Variants in MMS22L observed in about 807,000 individuals in gnomAD.
MMS22L encodes MMS22 like, DNA repair protein, also known as protein MMS22-like.
Under a neutral mutation model 159.1 loss-of-function variants are expected in MMS22L, and 74 were observed. The ratio of observed to expected loss-of-function variants is 0.47; its 90% CI spans 0.39 to 0.56. MMS22L has a LOEUF of 0.56. MMS22L is among the 20% of genes least tolerant of loss of function. The pLI is 0.00. For synonymous variants in MMS22L, 517 were observed against 506.9 expected (o/e 1.02, Z -0.27); for missense variants, 1,351 against 1,422.1 (o/e 0.95, Z 0.80).
chr6:97,173,120 G>A lies in MMS22L; in HGVS notation c.2782C>T (p.Pro928Ser). 1 of 1,613,422 alleles carries A rather than the reference G, an allele frequency of 6.2e-7. No homozygotes were observed. The highest frequency in any genetic ancestry group is 1.1e-5 in the South Asian group (1 of 91,002). Reference protein sequence around the residue: ...YLGEVLKYIKPYLGKKVFSAG... With the variant: ...YLGEVLKYIKSYLGKKVFSAG... The stretch of plus-strand genomic sequence containing the variant: ...CTGAAAACTTTTTTTCCCAAATAAG[G>A]CTTAATATATTTTAATACTTCACCA... The change falls in exon 19 of 25, where the codon CCT becomes TCT. Residue 928 changes from proline (P) to serine (S), a missense_variant. Physicochemically the swap from Pro to Ser is moderately conservative, Grantham distance 74. Transcript: ENST00000683635.
intron 14 of MMS22L, among the ~76,000 whole-genome samples, chr6:97,221,146 C>A (rs565535205): frequency 1.1e-4 from 17 of 152,248 alleles, no homozygotes; most frequent in African/African-American, 2.9e-4. Flanking sequence ...GCCTTATATT[C>A]ATTATTGCAT....
intron 14 of MMS22L, among the ~76,000 whole-genome samples, chr6:97,196,308 G>A (rs1005926370): frequency 1.3e-5 from 2 of 152,068 alleles, no homozygotes; most frequent in Non-Finnish European, 2.9e-5. Context: ...AGTCATATTA[G>A]TTAATTAAAA....
At chr6:97,252,506 G>A (rs768724174) in intron 10 of MMS22L, among the ~76,000 whole-genome samples, 1 of 151,888 alleles carries the variant, frequency 6.6e-6, no homozygotes, top group African/African-American at 2.4e-5. Context: ...TTAGCTGGGC[G>A]TGGTGGTGTG....
intron 10 of MMS22L, among the ~76,000 whole-genome samples, 187 bp from the exon 11 acceptor site, chr6:97,246,877 A>T (rs912789377): frequency 1.3e-5 from 2 of 152,192 alleles, no homozygotes; most frequent in Non-Finnish European, 2.9e-5. Context: ...ATGTACAACT[A>T]TTCCAATCCA....
At chr6:97,156,294 G>A (rs1049249726) in intron 22 of MMS22L, among the ~76,000 whole-genome samples, 1 of 152,144 alleles carries the variant, frequency 6.6e-6, no homozygotes, top group African/African-American at 2.4e-5. Context: ...TCTGCTGATA[G>A]TTTCTTTTGC....
At chr6:97,201,062 T>C (rs960377308) in intron 14 of MMS22L, among the ~76,000 whole-genome samples, 1 of 152,100 alleles carries the variant, frequency 6.6e-6, no homozygotes, top group Admixed American at 6.6e-5. Context: ...TTAAAGTCCT[T>C]ATAAGAAAGT....
intron 3 of MMS22L, among the ~76,000 whole-genome samples, chr6:97,280,745 G>A (rs1212645762): frequency 6.6e-6 from 1 of 152,092 alleles, no homozygotes; most frequent in African/African-American, 2.4e-5. Flanking sequence ...GACAGATGAA[G>A]GAAATGTAAT....
intron 22 of MMS22L, 124 bp downstream of exon 22, chr6:97,161,878 G>A: frequency 1.2e-6 from 1 of 852,136 alleles, no homozygotes; most frequent in Non-Finnish European, 1.8e-6. Flanking sequence ...CTTTAACCAT[G>A]ACCCATATCA....
intron 11 of MMS22L, among the ~76,000 whole-genome samples, chr6:97,237,235 C>T (rs970039136): frequency 1.3e-5 from 2 of 152,032 alleles, no homozygotes; most frequent in Non-Finnish European, 2.9e-5. Flanking sequence ...AAGGACAGTT[C>T]GATTATACCC....
At chr6:97,157,440 A>G (rs1801976319) in intron 22 of MMS22L, among the ~76,000 whole-genome samples, 2 of 152,280 alleles carry the variant, frequency 1.3e-5, no homozygotes, top group African/African-American at 4.8e-5. Context: ...ATTCAGTACG[A>G]TATTGGCTGT....
chr6:97,185,849 C>T (rs1213510606), intron 15 of MMS22L, among the ~76,000 whole-genome samples: 1 of 152,014 alleles, frequency 6.6e-6, no homozygotes, highest in Non-Finnish European at 1.5e-5. Context: ...CTGTCTATTC[C>T]AATACTTCTT....
chr6:97,282,822 G>T (rs1282116812), intron 1 of MMS22L, among the ~76,000 whole-genome samples: 1 of 152,216 alleles, frequency 6.6e-6, no homozygotes, highest in African/African-American at 2.4e-5. Context: ...AGGACATAGC[G>T]TCCCGGGCTT....
At chr6:97,250,927 A>G (rs1030506086) in intron 10 of MMS22L, among the ~76,000 whole-genome samples, 15 of 152,090 alleles carry the variant, frequency 9.9e-5, no homozygotes, top group Non-Finnish European at 2.1e-4. Flanking sequence ...CTGCACAACC[A>G]TTTTCTCTAT....
At chr6:97,188,087 G>A (rs1250500806) in intron 14 of MMS22L, among the ~76,000 whole-genome samples, 2 of 152,138 alleles carry the variant, frequency 1.3e-5, no homozygotes, top group African/African-American at 4.8e-5. Context: ...AGTGGCTAGA[G>A]AACCATTTCA....
intron 11 of MMS22L, among the ~76,000 whole-genome samples, chr6:97,234,668 GAAAGA>G (rs773679262): frequency 5.3e-5 from 8 of 152,198 alleles, no homozygotes; most frequent in South Asian, 4.1e-4. Context: ...TACATTTTTG[GAAAGA>G]AAAGAAAAGG....
chr6:97,169,215 T>C (rs1393723211), intron 19 of MMS22L, among the ~76,000 whole-genome samples: 2 of 152,136 alleles, frequency 1.3e-5, no homozygotes, highest in African/African-American at 4.8e-5. Context: ...TATGGCTTCC[T>C]TGGTGCTAGA....
In MMS22L at chr6:97,229,246, C is replaced by T. The variant is rs1810588101; in HGVS notation, c.1687G>A (p.Val563Ile). 1.9e-6 allele frequency: 3 copies of T among 1,613,994 alleles called. No individual in the cohort carries two copies. The Admixed American group carries it at 5.0e-5, about 27-fold the overall frequency. Residue 563 changes from valine (V) to isoleucine (I), a missense_variant, in exon 14 of 25, where the codon GTA (valine) becomes ATA (isoleucine). Coordinates refer to ENST00000683635, the MANE Select transcript of MMS22L (RefSeq NM_001350599.2). ...CAAATGAGGGCTCTCTGAGACGTTA[C>T]AAAAGCAGGCTTGAGGAAATTCAGG... The part of the protein sequence containing the change: ...DLLNFLKPAF[V>I]TSQRALIWKG...
At position 97,282,536 on chromosome 6, in the gene MMS22L, G is replaced by C; in HGVS notation, c.-59C>G. The C allele has an allele frequency of 2.2e-6, 1 of 457,082 alleles. No homozygotes were observed. The highest frequency in any genetic ancestry group is 2.5e-5 in the African/African-American group (1 of 40,324). The allele number at this position is 457,082 out of a possible 1,614,324, so 28.3% of individuals were successfully genotyped here. A position where few individuals can be genotyped will look rare whatever the true frequency, so the allele number is the denominator to read the frequency against. On this transcript the variant is annotated 5_prime_UTR_variant, in exon 2 of 25. Coordinates refer to ENST00000683635, the MANE Select transcript of MMS22L (RefSeq NM_001350599.2). ...GTCGTATCATTAAGGGCTCCAAAGA[G>C]AAGGTGTGAAGAGATTCCTGTTGGG...
At chr6:97,147,926 A>T (rs925693902) in intron 24 of MMS22L, among the ~76,000 whole-genome samples, 4 of 152,212 alleles carry the variant, frequency 2.6e-5, no homozygotes, top group Non-Finnish European at 5.9e-5. Flanking sequence ...TTGTTTAATA[A>T]AAAATTTTTG....
Sources: allele counts gnomAD v4.1 joint callset (sites outside exome capture counted in the v4.1 genomes callset), GRCh38; gene constraint gnomAD v4.1.1; transcripts MANE v1.5; gene names NCBI Gene and HGNC (gene_info 2026-07-23, HGNC 2026-07-21).